Variants in MTF2 observed in about 807,000 individuals in gnomAD.
MTF2 encodes metal-response element-binding transcription factor 2.
Under a neutral mutation model 79.5 loss-of-function variants are expected in MTF2, and 11 were observed. That is an observed-to-expected ratio of 0.14 (90% CI 0.09 to 0.23). The LOEUF is 0.23. MTF2 is among the 10% of genes least tolerant of loss of function. The probability of loss-of-function intolerance (pLI) is 1.00; values close to 1 mark genes in which losing one functional copy is unlikely to be tolerated. For synonymous variants in MTF2, 208 were observed against 232.8 expected (o/e 0.89, Z 0.97); for missense variants, 486 against 711.2 (o/e 0.68, Z 3.60).
At chr1:93,123,950 T>C (rs1307495230) in intron 9 of MTF2, among the ~76,000 whole-genome samples, 3 of 152,044 alleles carry the variant, frequency 2.0e-5, no homozygotes, top group Non-Finnish European at 4.4e-5. Flanking sequence ...TACATCATTA[T>C]CATCCAAAGC....
At chr1:93,115,747 A>G (rs1377242155) in intron 6 of MTF2, 129 bp downstream of exon 6, 2 of 612,174 alleles carry the variant, frequency 3.3e-6, no homozygotes, top group Non-Finnish European at 2.5e-6. Flanking sequence ...AACCAGGGGG[A>G]AAATCTATTA....
intron 14 of MTF2, among the ~76,000 whole-genome samples, chr1:93,135,580 T>C (rs1411283983): frequency 6.6e-6 from 1 of 152,194 alleles, no homozygotes; most frequent in Non-Finnish European, 1.5e-5. Flanking sequence ...ATGCCTATAA[T>C]CCCAGCACTT....
chr1:93,129,502 A>T, intron 11 of MTF2, 54 bp downstream of exon 11: 2 of 1,356,708 alleles, frequency 1.5e-6, no homozygotes, highest in Non-Finnish European at 2.0e-6. Context: ...GTAACTAAAA[A>T]TGTATGTTAT....
intron 9 of MTF2, among the ~76,000 whole-genome samples, chr1:93,122,274 A>G (rs966385168): frequency 2.6e-5 from 4 of 152,226 alleles, no homozygotes; most frequent in African/African-American, 9.6e-5. Flanking sequence ...ATACATATGT[A>G]TACCTGTTAG....
intron 3 of MTF2, 46 bp from the exon 4 acceptor site, chr1:93,114,642 G>A (rs1656173616): frequency 6.7e-7 from 1 of 1,484,818 alleles, no homozygotes; most frequent in Non-Finnish European, 9.2e-7. Context: ...TTTGTTTTAT[G>A]GAATTTTTTA....
chr1:93,119,444 CTTAAACCTACAA>C, intron 8 of MTF2, 43 bp downstream of exon 8: 1 of 1,426,776 alleles, frequency 7.0e-7, no homozygotes, highest in Non-Finnish European at 9.6e-7. Context: ...AAGCCATTTT[CTTAAACCTACAA>C]GTTGAAACTT....
At chr1:93,130,295 T>C (rs562182399) in intron 11 of MTF2, among the ~76,000 whole-genome samples, 306 of 152,258 alleles carry the variant, frequency 2.0e-3, no homozygotes, top group African/African-American at 7.2e-3. Flanking sequence ...TAGAAATACT[T>C]GGCCGGGTGC....
At chr1:93,103,633 A>G (rs1655638942) in intron 1 of MTF2, among the ~76,000 whole-genome samples, 1 of 152,142 alleles carries the variant, frequency 6.6e-6, no homozygotes, top group South Asian at 2.1e-4. Context: ...ATATGTTTCT[A>G]TATTATTCTA....
intron 1 of MTF2, among the ~76,000 whole-genome samples, chr1:93,092,715 A>G (rs1214974901): frequency 6.6e-6 from 1 of 152,188 alleles, no homozygotes; most frequent in Non-Finnish European, 1.5e-5. Context: ...AGCTTTCTCT[A>G]TAAACATGTT....
chr1:93,108,748 C>T (rs1655910214), intron 1 of MTF2, among the ~76,000 whole-genome samples: 1 of 151,294 alleles, frequency 6.6e-6, no homozygotes, highest in Admixed American at 6.6e-5. Flanking sequence ...GGGAAGGTAC[C>T]AGTTATTTCT....
chr1:93,136,310 A>C (rs574987744), intron 14 of MTF2, among the ~76,000 whole-genome samples: 1 of 152,316 alleles, frequency 6.6e-6, no homozygotes, highest in East Asian at 1.9e-4. Context: ...TATTTGTTCT[A>C]ATGAACAAAT....
intron 14 of MTF2, 123 bp downstream of exon 14, chr1:93,134,318 TGA>T (rs1647283984): frequency 1.4e-6 from 1 of 695,984 alleles, no homozygotes; most frequent in African/African-American, 1.8e-5. Context: ...ATCAGCTTTT[TGA>T]GAGGTAATCC....
At chr1:93,090,273 G>A (rs1350547389) in intron 1 of MTF2, among the ~76,000 whole-genome samples, 1 of 151,886 alleles carries the variant, frequency 6.6e-6, no homozygotes, top group East Asian at 1.9e-4. Context: ...ACCATGCCTG[G>A]CCAATTTTTG....
In MTF2 at chr1:93,129,418, G is replaced by A; in HGVS notation, c.1130G>A (p.Arg377Lys). Residue 377 changes from arginine (R) to lysine (K), a missense_variant, in exon 11 of 15, where the codon AGA becomes AAA. Arg to Lys is a conservative substitution (Grantham distance 26). This residue lies in a region of MTF2 where 209 missense variants were observed against 206.5 expected (regional missense o/e 1.01). Transcript: ENST00000370298. ...TCTCATGAATTTAAAATTAAAGGCA[G>A]AAAGGCATCCAAACCTATATCTGAT... ...GTSHEFKIKG[R>K]KASKPISDSR... 6.4e-7 allele frequency: 1 copy of A among 1,565,760 alleles called. No individual in the cohort carries two copies. Among genetic ancestry groups the A allele is most frequent in the Non-Finnish European group, 8.7e-7 (1 of 1,148,484 alleles).
At chr1:93,079,554 C>T in intron 1 of MTF2, 23 bp downstream of exon 1, 1 of 1,613,352 alleles carries the variant, frequency 6.2e-7, no homozygotes, top group Non-Finnish European at 8.5e-7. Flanking sequence ...GGCCTGGGAA[C>T]CGACTCTTCC....
At position 93,115,084 on chromosome 1, in the gene MTF2, C is replaced by G; in HGVS notation, c.479C>G (p.Thr160Arg). Residue 160 changes from threonine (T) to arginine (R), a missense_variant, in exon 5 of 15, where the codon ACA becomes AGA. Coordinates refer to ENST00000370298, the MANE Select transcript of MTF2 (RefSeq NM_007358.4). ...CGGCAGTGTGTTTTTGCAACAACAA[C>G]AAAGGTATATTTTAAGTGTTTTGGG... ...LCRQCVFATTTKRGGALKKGP... is the reference protein window; with the variant it reads ...LCRQCVFATTRKRGGALKKGP... 1 of 1,593,480 alleles carries G rather than the reference C, an allele frequency of 6.3e-7. No individual in the cohort carries two copies. The highest frequency in any genetic ancestry group is 1.1e-5 in the South Asian group (1 of 90,422).
chr1:93,095,259 G>T (rs1015014109), intron 1 of MTF2, among the ~76,000 whole-genome samples: 1 of 152,044 alleles, frequency 6.6e-6, no homozygotes, highest in African/African-American at 2.4e-5. Flanking sequence ...CAGGCTGGTT[G>T]CGAACTTCTT....
At chr1:93,088,759 G>A (rs1037299656) in intron 1 of MTF2, among the ~76,000 whole-genome samples, 29 of 152,180 alleles carry the variant, frequency 1.9e-4, no homozygotes, top group African/African-American at 6.5e-4. Context: ...TAGAGATGGT[G>A]TTTCACCACG....
intron 1 of MTF2, among the ~76,000 whole-genome samples, chr1:93,101,568 G>GGTTTTTTTTTT (rs1655535897): frequency 3.9e-5 from 1 of 25,398 alleles, no homozygotes; most frequent in African/African-American, 1.5e-4. Flanking sequence ...GCTCAGGCTG[G>GGTTTTTTTTTT]TTTTTTTTTT....
Sources: gnomAD v4.1 joint callset for allele counts (sites outside exome capture counted in the v4.1 genomes callset) on GRCh38, gnomAD v4.1.1 for gene constraint, gnomAD v4.1.1 regional missense constraint, MANE v1.5 for transcripts, NCBI Gene and HGNC (gene_info 2026-07-23, HGNC 2026-07-21) for gene names.